Variants in ULK4 observed in about 807,000 individuals in gnomAD.
ULK4 encodes unc-51 like kinase 4, also known as inactive serine/threonine-protein kinase ULK4.
In ULK4, 133 loss-of-function variants were observed where a neutral mutation model predicts 160.6. The observed-to-expected ratio is 0.83, with a 90% CI of 0.72 to 0.96. The LOEUF (loss-of-function observed/expected upper bound fraction) is 0.96, where lower values mean the gene tolerates loss of function less well. Ranked by LOEUF, ULK4 falls within the 40% of genes least tolerant of loss-of-function variation. The pLI is 0.00. For synonymous variants in ULK4, 534 were observed against 539.8 expected, an observed-to-expected ratio of 0.99 and a Z score of 0.15; for missense variants, 1,580 against 1,499.5, an observed-to-expected ratio of 1.05 and a Z score of -0.89.
At chr3:41,732,150 C>A (rs1316306679) in intron 22 of ULK4, among the ~76,000 whole-genome samples, 1 of 152,084 alleles carries the variant, frequency 6.6e-6, no homozygotes, top group Non-Finnish European at 1.5e-5. Flanking sequence ...AACTAAAAAG[C>A]TTCTGCACAA....
chr3:41,470,018 G>GAAAAAAAAAAACAAAA (rs2083937949), intron 32 of ULK4, among the ~76,000 whole-genome samples: 1 of 45,976 alleles, frequency 2.2e-5, no homozygotes, highest in Non-Finnish European at 3.8e-5. Context: ...AAACAGAACA[G>GAAAAAAAAAAACAAAA]AAAAAAAAAA....
At chr3:41,789,125 T>C (rs988733893) in intron 21 of ULK4, among the ~76,000 whole-genome samples, 1 of 152,174 alleles carries the variant, frequency 6.6e-6, no homozygotes, top group Non-Finnish European at 1.5e-5. Flanking sequence ...GAGAGCCCTG[T>C]TTATCACTAT....
At chr3:41,580,829 A>C (rs1385032945) in intron 31 of ULK4, among the ~76,000 whole-genome samples, 1 of 152,196 alleles carries the variant, frequency 6.6e-6, no homozygotes, top group Admixed American at 6.5e-5. Context: ...CTAACCTCCA[A>C]GGCCCTTTTC....
At chr3:41,288,590 G>A (rs1428390448) in intron 35 of ULK4, among the ~76,000 whole-genome samples, 1 of 152,188 alleles carries the variant, frequency 6.6e-6, no homozygotes, top group Non-Finnish European at 1.5e-5. Context: ...AGAAAGAGAA[G>A]CCAGGCAGGC....
chr3:41,416,116 C>A (rs1210005716), intron 34 of ULK4, among the ~76,000 whole-genome samples: 1 of 152,274 alleles, frequency 6.6e-6, no homozygotes, highest in Non-Finnish European at 1.5e-5. Context: ...ACAATAGGAA[C>A]ACTGTGTTAA....
intron 35 of ULK4, among the ~76,000 whole-genome samples, chr3:41,375,077 G>A (rs1326776612): frequency 6.6e-6 from 1 of 152,032 alleles, no homozygotes; most frequent in Non-Finnish European, 1.5e-5. Flanking sequence ...AATTTACAAG[G>A]GATGTGAAGG....
chr3:41,838,485 C>T (rs980704587), intron 17 of ULK4, among the ~76,000 whole-genome samples: 13 of 151,714 alleles, frequency 8.6e-5, no homozygotes, highest in African/African-American at 2.2e-4. Context: ...AAAAAGAATC[C>T]ATACAAAGAG....
chr3:41,351,743 C>A (rs2080913385), intron 35 of ULK4, among the ~76,000 whole-genome samples: 1 of 152,152 alleles, frequency 6.6e-6, no homozygotes. Context: ...AGTCTCCAAG[C>A]AAGATGGGAA....
intron 22 of ULK4, among the ~76,000 whole-genome samples, chr3:41,753,843 G>A (rs553784189): frequency 6.6e-6 from 1 of 152,162 alleles, no homozygotes; most frequent in African/African-American, 2.4e-5. Context: ...AAAGGAAAAA[G>A]GTTAATTAAT....
At chr3:41,871,737 G>A (rs150903886) in intron 17 of ULK4, among the ~76,000 whole-genome samples, 4 of 152,214 alleles carry the variant, frequency 2.6e-5, no homozygotes, top group East Asian at 3.9e-4. Context: ...TGAGTCCTTC[G>A]TCAGATATGT....
chr3:41,351,244 G>A (rs1559538898), intron 35 of ULK4, among the ~76,000 whole-genome samples: 2 of 152,166 alleles, frequency 1.3e-5, no homozygotes, highest in Admixed American at 6.5e-5. Flanking sequence ...TCTCCTCAAA[G>A]GTAACTCACC....
At chr3:41,700,723 A>G (rs2036645042) in intron 27 of ULK4, among the ~76,000 whole-genome samples, 1 of 152,222 alleles carries the variant, frequency 6.6e-6, no homozygotes, top group African/African-American at 2.4e-5. Context: ...TTGGGCAACA[A>G]CAAGATATAA....
intron 32 of ULK4, among the ~76,000 whole-genome samples, chr3:41,510,359 G>T (rs1370493810): frequency 6.6e-6 from 1 of 152,132 alleles, no homozygotes; most frequent in Non-Finnish European, 1.5e-5. Flanking sequence ...TAAGAAATAA[G>T]ACAGATGTCA....
At chr3:41,642,841 T>A (rs1198375530) in intron 30 of ULK4, among the ~76,000 whole-genome samples, 1 of 152,232 alleles carries the variant, frequency 6.6e-6, no homozygotes, top group Non-Finnish European at 1.5e-5. Flanking sequence ...CCACCTCCTC[T>A]CCAGCACCTG....
intron 32 of ULK4, among the ~76,000 whole-genome samples, chr3:41,524,786 A>T (rs1309860095): frequency 1.3e-5 from 2 of 152,022 alleles, no homozygotes; most frequent in Non-Finnish European, 2.9e-5. Flanking sequence ...AAATACAAAA[A>T]AATTAGCCGG....
At chr3:41,473,240 G>A (rs1472440394) in intron 32 of ULK4, among the ~76,000 whole-genome samples, 1 of 152,078 alleles carries the variant, frequency 6.6e-6, no homozygotes, top group Non-Finnish European at 1.5e-5. Context: ...GACTTTACCA[G>A]AGTAATTAGG....
chr3:41,299,878 T>C (rs2079747488), intron 35 of ULK4, among the ~76,000 whole-genome samples: 1 of 152,234 alleles, frequency 6.6e-6, no homozygotes, highest in Non-Finnish European at 1.5e-5. Context: ...TTTAGATTGC[T>C]TCCAATTTCT....
intron 30 of ULK4, among the ~76,000 whole-genome samples, chr3:41,630,030 G>A (rs577092455): frequency 5.9e-4 from 90 of 152,222 alleles, no homozygotes; most frequent in African/African-American, 2.0e-3. Flanking sequence ...ACTAGCCTAC[G>A]TAACCAGAGA....
intron 35 of ULK4, among the ~76,000 whole-genome samples, chr3:41,365,721 C>T (rs1180586908): frequency 6.6e-6 from 1 of 152,144 alleles, no homozygotes; most frequent in Non-Finnish European, 1.5e-5. Flanking sequence ...AACCCCCAAG[C>T]CCCTGCTCTT....
Sources: allele counts gnomAD v4.1 joint callset (sites outside exome capture counted in the v4.1 genomes callset), GRCh38; gene constraint gnomAD v4.1.1; transcripts MANE v1.5; gene names NCBI Gene and HGNC (gene_info 2026-07-23, HGNC 2026-07-21).